Variants in MMEL1 observed in about 807,000 individuals in gnomAD.
MMEL1 encodes membrane metalloendopeptidase like 1.
MMEL1 carries 98 observed loss-of-function variants against 117.1 expected under a neutral mutation model. The observed-to-expected ratio is 0.84, with a 90% CI of 0.71 to 0.99. MMEL1 has a LOEUF of 0.99. MMEL1 is among the 50% of genes least tolerant of loss of function. The pLI is 0.00. For synonymous variants in MMEL1, 390 were observed against 415.1 expected, an observed-to-expected ratio of 0.94 and a Z score of 0.74; for missense variants, 1,014 against 1,049.1, an observed-to-expected ratio of 0.97 and a Z score of 0.46.
At position 2,606,248 on chromosome 1, in the gene MMEL1, G is replaced by A. The variant is rs751152386; in HGVS notation, c.750C>T (p.Tyr250=). ...DDQNSSRHII[Y]IDQPTLGMPS... Reference sequence around the variant, plus strand: ...CCCTGCCCACCGGCGCGGCTCGTACGTAGATGATGTGCCGGCTGGAGTTCT... The same window carrying A: ...CCCTGCCCACCGGCGCGGCTCGTACATAGATGATGTGCCGGCTGGAGTTCT... Residue 250 remains tyrosine (Y), a splice_region_variant and synonymous_variant, in exon 8 of 24, where the codon TAC becomes TAT. Coordinates refer to ENST00000378412, the MANE Select transcript of MMEL1 (RefSeq NM_033467.4). 57 of 1,612,506 alleles carry A rather than the reference G, an allele frequency of 3.5e-5. No homozygotes were observed. The highest frequency in any genetic ancestry group is 3.3e-4 in the Middle Eastern group (2 of 6,056).
chr1:2,625,175 A>G (rs1266726409), intron 2 of MMEL1, among the ~76,000 whole-genome samples: 1 of 152,152 alleles, frequency 6.6e-6, no homozygotes, highest in African/African-American at 2.4e-5. Context: ...TCACATTTTG[A>G]AACCAATCAT....
intron 2 of MMEL1, among the ~76,000 whole-genome samples, chr1:2,617,368 A>G (rs1472963886): frequency 6.8e-6 from 1 of 147,064 alleles, no homozygotes; most frequent in Non-Finnish European, 1.5e-5. Context: ...CAGAGCTTGC[A>G]GTGAGCCGAG....
In MMEL1 at chr1:2,609,316, C is replaced by G. The variant is rs775558365; in HGVS notation, c.535+23G>C. ...CCCGCCCCCGTCCCCTGCCTCGGCCCCTTCCTGGCGGCCCCCACTCACTCT... is the reference window on the plus strand; with the variant it reads ...CCCGCCCCCGTCCCCTGCCTCGGCCGCTTCCTGGCGGCCCCCACTCACTCT... On this transcript the variant is annotated intron_variant, in intron 6 of 23. Coordinates refer to ENST00000378412, the MANE Select transcript of MMEL1 (RefSeq NM_033467.4). 3.7e-6 allele frequency: 6 copies of G among 1,603,890 alleles called. 1 individual carries two copies. In the South Asian group the frequency reaches 6.7e-5, roughly 18 times the overall value.
intron 17 of MMEL1, 121 bp from the exon 18 acceptor site, chr1:2,594,564 C>T (rs971116542): frequency 6.3e-6 from 8 of 1,261,532 alleles, no homozygotes; most frequent in African/African-American, 4.5e-5. Context: ...CAGGCCTATC[C>T]CAAGATCTGG....
At chr1:2,620,063 T>C (rs72646011) in intron 2 of MMEL1, among the ~76,000 whole-genome samples, 10 of 152,330 alleles carry the variant, frequency 6.6e-5, no homozygotes, top group Non-Finnish European at 1.2e-4. Flanking sequence ...AGTGCTCAGC[T>C]TCAGGAATCA....
intron 8 of MMEL1, 133 bp from the exon 9 acceptor site, chr1:2,605,756 G>T: frequency 1.5e-6 from 1 of 650,306 alleles, no homozygotes. Context: ...TGGTGGTGGA[G>T]CTTGTGCCGG....
At position 2,599,942 on chromosome 1, in the gene MMEL1, A is replaced by G. The variant is rs183663305; in HGVS notation, c.1042-1152T>C. Among the ~76,000 whole-genome samples, 5 of 152,316 alleles carry G rather than the reference A, an allele frequency of 3.3e-5. No individual in the cohort carries two copies. The East Asian group carries it at 9.6e-4, about 29-fold the overall frequency. On this transcript the variant is annotated intron_variant, in intron 11 of 23. Transcript: ENST00000378412. ...ATGTATGAAGCAGCAGAAGCAACAAAAACAACTCCATAGCAAACATAACTT... is the reference window on the plus strand; with the variant it reads ...ATGTATGAAGCAGCAGAAGCAACAAGAACAACTCCATAGCAAACATAACTT...
In MMEL1 at chr1:2,603,942, AC is replaced by A; in HGVS notation, c.982del (p.Val328SerfsTer19). On this transcript the variant is annotated frameshift_variant, in exon 11 of 24. Coordinates refer to ENST00000378412, the MANE Select transcript of MMEL1 (RefSeq NM_033467.4). LOFTEE classifies it high-confidence loss of function. ...TCCCATCCGGTGGTACAAGGCGATGACGTCGTGTCTCTCCTCCTGGGGTACC... is the reference window on the plus strand; with the variant it reads ...TCCCATCCGGTGGTACAAGGCGATGAGTCGTGTCTCTCCTCCTGGGGTACC... ...ATVPQEERHD[V>X]IALYHRMGLE... 6.2e-7 allele frequency: 1 copy of A among 1,613,800 alleles called. No homozygotes were observed. The highest frequency in any genetic ancestry group is 1.7e-5 in the Admixed American group (1 of 60,014).
At chr1:2,591,178 A>C in intron 23 of MMEL1, 89 bp from the exon 24 acceptor site, 1 of 877,258 alleles carries the variant, frequency 1.1e-6, no homozygotes, top group Non-Finnish European at 1.7e-6. Flanking sequence ...AACCAGCCCA[A>C]AACATCAGCC....
intron 6 of MMEL1, among the ~76,000 whole-genome samples, chr1:2,609,034 T>TACACAC (rs70956312): frequency 0.032 from 4,594 of 144,676 alleles, 98 homozygotes; most frequent in Middle Eastern, 0.046. Flanking sequence ...ATCCATATAA[T>TACACAC]ACACACACAC....
chr1:2,596,587 C>T lies in MMEL1; in HGVS notation c.1375G>A (p.Ala459Thr). The T allele has an allele frequency of 6.2e-7, 1 of 1,612,096 alleles. No homozygotes were observed. The highest frequency in any genetic ancestry group is 8.5e-7 in the Non-Finnish European group (1 of 1,179,774). The change falls in exon 14 of 24, where the codon GCG becomes ACG. Residue 459 changes from alanine (A) to threonine (T), a missense_variant. Transcript: ENST00000378412. ...NAVGSLYVRE[A>T]FPGDSKSMVR... Reference sequence around the variant, plus strand: ...ATGCTCTTGCTGTCTCCAGGGAACGCCTCCCTGACGTAGAGGGAGCCCACG... The same window carrying T: ...ATGCTCTTGCTGTCTCCAGGGAACGTCTCCCTGACGTAGAGGGAGCCCACG...
At chr1:2,591,479 T>G in intron 23 of MMEL1, 78 bp downstream of exon 23, 1 of 1,226,764 alleles carries the variant, frequency 8.2e-7, no homozygotes. Context: ...CTTTTTGTGC[T>G]TTCTTCTTTT....
At chr1:2,601,170 A>G (rs1644925897) in intron 11 of MMEL1, among the ~76,000 whole-genome samples, 1 of 152,244 alleles carries the variant, frequency 6.6e-6, no homozygotes, top group Non-Finnish European at 1.5e-5. Context: ...TTGAAGAACA[A>G]AGTTGAAATA....
In MMEL1 at chr1:2,629,349, G is replaced by T; in HGVS notation, c.136C>A (p.Leu46Ile). Residue 46 changes from leucine to isoleucine, a missense_variant, in exon 2 of 24, where the codon CTC becomes ATC. Leu to Ile is a conservative substitution (Grantham distance 5). Transcript: ENST00000378412. The stretch of plus-strand genomic sequence containing the variant: ...CACTCACCTCTGCGGTCGGCGTAGA[G>T]GACACCCAAGGCCACCAGGGCAGCG... ...VTAALVALGV[L>I]YADRRGKQLP... 1 of 1,542,170 alleles carries T rather than the reference G, an allele frequency of 6.5e-7. No homozygotes were observed.
At position 2,593,923 on chromosome 1, in the gene MMEL1, G is replaced by A. The variant is rs141783638; in HGVS notation, c.1758C>T (p.Ala586=). The A allele has an allele frequency of 8.2e-5, 132 of 1,607,390 alleles. No individual in the cohort carries two copies. The highest frequency in any genetic ancestry group is 1.0e-4 in the Non-Finnish European group (119 of 1,176,836). Residue 586 remains alanine (A), a synonymous_variant, in exon 19 of 24, where the codon GCC becomes GCT. Coordinates refer to ENST00000378412, the MANE Select transcript of MMEL1 (RefSeq NM_033467.4). The part of the protein sequence containing the change: ...SPNRNQIVFP[A]GILQPPFFSK... ...TGAAGAAGGGGGGCTGGAGGATCCC[G>A]GCAGGGAATACTGTCCCCAAGGGCG...
chr1:2,598,987 A>G (rs768318078), intron 11 of MMEL1, among the ~76,000 whole-genome samples, 197 bp from the exon 12 acceptor site: 2 of 152,254 alleles, frequency 1.3e-5, no homozygotes, highest in African/African-American at 2.4e-5. Context: ...ATGCAGATAT[A>G]TGCGAAAGCC....
chr1:2,596,793 C>T (rs1295630847), intron 13 of MMEL1, 104 bp from the exon 14 acceptor site: 9 of 1,409,652 alleles, frequency 6.4e-6, no homozygotes, highest in East Asian at 4.7e-5. Flanking sequence ...TATCCTCAGC[C>T]TCAGGGTGCC....
intron 13 of MMEL1, among the ~76,000 whole-genome samples, chr1:2,597,710 T>C (rs1183462848): frequency 6.6e-6 from 1 of 152,104 alleles, no homozygotes; most frequent in Non-Finnish European, 1.5e-5. Flanking sequence ...GAGCAGCATA[T>C]CTGACCGCGT....
At chr1:2,607,487 C>T (rs1279053511) in intron 6 of MMEL1, among the ~76,000 whole-genome samples, 2 of 150,076 alleles carry the variant, frequency 1.3e-5, no homozygotes, top group South Asian at 2.1e-4. Flanking sequence ...GGAGGGGGCG[C>T]GGGGTAGGCA....
Sources: allele counts gnomAD v4.1 joint callset (sites outside exome capture counted in the v4.1 genomes callset), GRCh38; gene constraint gnomAD v4.1.1; transcripts MANE v1.5; gene names NCBI Gene and HGNC (gene_info 2026-07-23, HGNC 2026-07-21).